BRD3: variants seen among roughly 807,000 people sequenced by gnomAD.
BRD3 encodes bromodomain-containing protein 3.
A neutral mutation model predicts 66.8 loss-of-function variants in BRD3; 17 were observed. The observed-to-expected ratio is 0.25, with a 90% CI of 0.17 to 0.38. The LOEUF (loss-of-function observed/expected upper bound fraction) is 0.38, where lower values mean the gene tolerates loss of function less well. Ranked by LOEUF, BRD3 falls within the 10% of genes least tolerant of loss-of-function variation. The probability of loss-of-function intolerance (pLI) is 1.00; values close to 1 mark genes in which losing one functional copy is unlikely to be tolerated. For synonymous variants in BRD3, 421 were observed against 393.2 expected (o/e 1.07, Z -0.84); for missense variants, 713 against 956.1 (o/e 0.75, Z 3.35).
Position 134,032,917 on chromosome 9 carries a change from G to A in BRD3, c.*673C>T. On this transcript the variant is annotated 3_prime_UTR_variant, in exon 12 of 12. Transcript: ENST00000303407. ...TAAAAGCTTCAGTGTATGGAAACCT[G>A]CAGGCTGCATACACAGCCGCTCTGT... 2.7e-6 allele frequency: 1 copy of A among 368,874 alleles called. No individual in the cohort carries two copies. The highest frequency in any genetic ancestry group is 4.7e-6 in the Non-Finnish European group (1 of 210,720). The allele number at this position is 368,874 out of a possible 1,614,324, so 22.9% of individuals were successfully genotyped here.
At chr9:134,064,954 T>C (rs556972570) in intron 1 of BRD3, among the ~76,000 whole-genome samples, 3 of 152,340 alleles carry the variant, frequency 2.0e-5, no homozygotes, top group Admixed American at 6.5e-5. Context: ...TGGCACCCCA[T>C]CATGCTTTGC....
Position 134,032,963 on chromosome 9 carries a change from C to T in BRD3, c.*627G>A. ...TCTGTTCCCTCCGAGGAGCTCCTGA[C>T]ATCACCACGAGCGGAGAACGCACAT... On this transcript the variant is annotated 3_prime_UTR_variant, in exon 12 of 12. Transcript: ENST00000303407. 2 of 386,716 alleles carry T rather than the reference C, an allele frequency of 5.2e-6. No individual in the cohort carries two copies. Among genetic ancestry groups the T allele is most frequent in the Non-Finnish European group, 9.1e-6 (2 of 219,090 alleles). The allele number at this position is 386,716 out of a possible 1,614,324, so 24.0% of individuals were successfully genotyped here. A position where few individuals can be genotyped will look rare whatever the true frequency, so the allele number is the denominator to read the frequency against.
chr9:134,042,559 C>T (rs1189201712), intron 7 of BRD3, among the ~76,000 whole-genome samples: 2 of 152,006 alleles, frequency 1.3e-5, no homozygotes, highest in African/African-American at 4.8e-5. Flanking sequence ...ATTGCTTGAA[C>T]CCAGGAGGTC....
chr9:134,043,736 C>CA (rs1352224906), intron 7 of BRD3, among the ~76,000 whole-genome samples: 5 of 152,252 alleles, frequency 3.3e-5, no homozygotes, highest in Non-Finnish European at 7.3e-5. Context: ...CTCTGTTGCC[C>CA]AGGCTGGAGT....
chr9:134,033,380 T>C lies in BRD3; in HGVS notation c.*210A>G, dbSNP rs1403147280. On this transcript the variant is annotated 3_prime_UTR_variant, in exon 12 of 12. Coordinates refer to ENST00000303407, the MANE Select transcript of BRD3 (RefSeq NM_007371.4). This position sits in a 1 kb window ranked among gnomAD's most constrained non-coding sequence, Gnocchi z 5.1. ...GAATTCAGTGATGAAGAAGAGACTT[T>C]CTGCAGAGTTCACACCTTCTCATCA... 4.2e-6 allele frequency: 2 copies of C among 475,190 alleles called. No individual in the cohort carries two copies. Among genetic ancestry groups the C allele is most frequent in the Non-Finnish European group, 7.4e-6 (2 of 269,042 alleles). 29.4% of individuals were successfully genotyped at this position (475,190 alleles called of 1,614,324 possible). A position where few individuals can be genotyped will look rare whatever the true frequency, so the allele number is the denominator to read the frequency against.
intron 6 of BRD3, among the ~76,000 whole-genome samples, chr9:134,047,624 G>T (rs1478044884): frequency 6.6e-6 from 1 of 152,204 alleles, no homozygotes; most frequent in Non-Finnish European, 1.5e-5. Flanking sequence ...CGTCTTGTGA[G>T]GGGGTGGGGC....
rs933281610 is a variant in BRD3, at chr9:134,041,642, C to T, written c.1407+118G>A. 147 of 1,318,626 alleles carry T rather than the reference C, an allele frequency of 1.1e-4. No individual in the cohort carries two copies. The African/African-American group carries it at 1.8e-3, about 16-fold the overall frequency. 81.7% of individuals were successfully genotyped at this position (1,318,626 alleles called of 1,614,324 possible). A position where few individuals can be genotyped will look rare whatever the true frequency, so the allele number is the denominator to read the frequency against. On this transcript the variant is annotated intron_variant, in intron 8 of 11. Coordinates refer to ENST00000303407, the MANE Select transcript of BRD3 (RefSeq NM_007371.4). ...GAGTGTCTTTACGGGGAAGCACTACCGCGGCTGCTGAGGGACAGGGGCAGA... is the reference window on the plus strand; with the variant it reads ...GAGTGTCTTTACGGGGAAGCACTACTGCGGCTGCTGAGGGACAGGGGCAGA...
chr9:134,036,619 A>G, intron 9 of BRD3: 1 of 1,526,822 alleles, frequency 6.5e-7, no homozygotes, highest in East Asian at 2.3e-5. Flanking sequence ...AAAAGAAGGC[A>G]AAAAAGGGGG....
At chr9:134,034,592 AT>A in intron 11 of BRD3, 108 bp downstream of exon 11, 1 of 1,449,012 alleles carries the variant, frequency 6.9e-7, no homozygotes, top group African/African-American at 1.4e-5. Flanking sequence ...CATGGAGCTC[AT>A]CAGGAGGTAA....
Position 134,043,019 on chromosome 9 carries a change from T to A in BRD3, c.1216-1068A>T, listed in dbSNP as rs573176542. On this transcript the variant is annotated intron_variant, in intron 7 of 11. Transcript: ENST00000303407. The stretch of plus-strand genomic sequence containing the variant: ...TACTCCCGGCTAACTTTTTGTATTT[T>A]TAGTAGAGCCGAAGTTTCACCATGT... 1.9e-3 allele frequency among the ~76,000 whole-genome samples: 284 copies of A among 152,276 alleles called. 1 individual carries two copies. Among genetic ancestry groups the A allele is most frequent in the African/African-American group, 6.5e-3 (272 of 41,550 alleles).
At chr9:134,067,710 C>CGCGCCACCG (rs1227341766) in intron 1 of BRD3, among the ~76,000 whole-genome samples, 1 of 145,472 alleles carries the variant, frequency 6.9e-6, no homozygotes, top group Non-Finnish European at 1.5e-5. Context: ...GAGCGGAGCC[C>CGCGCCACCG]GCGCCACCGC....
In BRD3 at chr9:134,066,576, C is replaced by T. The variant is rs1451179133; in HGVS notation, c.-114+1369G>A. 2.7e-5 allele frequency among the ~76,000 whole-genome samples: 4 copies of T among 150,630 alleles called. No homozygotes were observed. The East Asian group carries it at 7.7e-4, about 29-fold the overall frequency. Reference sequence around the variant, plus strand: ...CATGGACCCAGGAAAAAAAAAAAACCCTCCATTTTAAAGAAAAGAGTAAGG... The same window carrying T: ...CATGGACCCAGGAAAAAAAAAAAACTCTCCATTTTAAAGAAAAGAGTAAGG... On this transcript the variant is annotated intron_variant, in intron 1 of 11. Transcript: ENST00000303407.
At chr9:134,047,628 G>A (rs1830202889) in intron 6 of BRD3, among the ~76,000 whole-genome samples, 1 of 152,208 alleles carries the variant, frequency 6.6e-6, no homozygotes, top group Admixed American at 6.5e-5. Context: ...TTGTGAGGGG[G>A]TGGGGCTTGG....
intron 6 of BRD3, among the ~76,000 whole-genome samples, chr9:134,047,476 C>T (rs1177466793): frequency 6.6e-6 from 1 of 152,184 alleles, no homozygotes; most frequent in Non-Finnish European, 1.5e-5. Context: ...CCACCACCAC[C>T]CCCCATAGGG....
At chr9:134,044,949 T>C (rs1047405382) in intron 7 of BRD3, among the ~76,000 whole-genome samples, 3 of 152,206 alleles carry the variant, frequency 2.0e-5, no homozygotes, top group Non-Finnish European at 4.4e-5. Context: ...CACAGAAGAC[T>C]TGCTGGAAAC....
chr9:134,041,558 G>A (rs1032195876), intron 8 of BRD3, among the ~76,000 whole-genome samples: 1 of 152,234 alleles, frequency 6.6e-6, no homozygotes, highest in Non-Finnish European at 1.5e-5. Context: ...TGTCCCCGCA[G>A]CCACCCACGT....
chr9:134,035,417 G>A (rs139168383), intron 10 of BRD3, among the ~76,000 whole-genome samples: 1 of 152,308 alleles, frequency 6.6e-6, no homozygotes, highest in Non-Finnish European at 1.5e-5. Context: ...TATGGGGGCT[G>A]CCACAAGGGC....
At chr9:134,060,752 A>G (rs960118243) in intron 1 of BRD3, among the ~76,000 whole-genome samples, 2 of 152,168 alleles carry the variant, frequency 1.3e-5, no homozygotes, top group Admixed American at 1.3e-4. Context: ...TGTGCTGGAC[A>G]TGGAAGGAAT....
chr9:134,048,613 T>C (rs1830226970), intron 5 of BRD3, among the ~76,000 whole-genome samples, 159 bp from the exon 6 acceptor site: 1 of 152,160 alleles, frequency 6.6e-6, no homozygotes, highest in African/African-American at 2.4e-5. Flanking sequence ...TCAGGGGCCA[T>C]GTCACTGGCC....
Sources: gnomAD v4.1 joint callset for allele counts (sites outside exome capture counted in the v4.1 genomes callset) on GRCh38, gnomAD v4.1.1 for gene constraint, Gnocchi (gnomAD v3.1) non-coding constraint, MANE v1.5 for transcripts, NCBI Gene and HGNC (gene_info 2026-07-23, HGNC 2026-07-21) for gene names.